TLE1: variants seen among roughly 807,000 people sequenced by gnomAD.
TLE1 encodes the protein TLE family member 1, transcriptional corepressor.
In TLE1, 21 loss-of-function variants were observed where a neutral mutation model predicts 89.8. The ratio of observed to expected loss-of-function variants is 0.23; its 90% confidence interval spans 0.17 to 0.34. TLE1 has a LOEUF of 0.34. Ranked by LOEUF, TLE1 falls within the 10% of genes least tolerant of loss-of-function variation. The pLI is 1.00. For missense variants in TLE1, 795 were observed against 1,031.2 expected (o/e 0.77, Z 3.14); for synonymous variants, 447 against 407.6 (o/e 1.10, Z -1.16).
chr9:81,655,786 G>A (rs1019701626), intron 4 of TLE1, among the ~76,000 whole-genome samples: 1 of 150,560 alleles, frequency 6.6e-6, no homozygotes, highest in African/African-American at 2.5e-5. Flanking sequence ...GAACAAAGTC[G>A]AGCCTGCGGT....
At chr9:81,585,842 G>C (rs147761773) in intron 17 of TLE1, among the ~76,000 whole-genome samples, 187 bp from the exon 18 acceptor site, 57 of 152,174 alleles carry the variant, frequency 3.7e-4, no homozygotes, top group South Asian at 1.7e-3. Flanking sequence ...TTAGGAAACT[G>C]GAAACATTTG....
Position 81,610,295 on chromosome 9 carries a change from A to T in TLE1, c.1256T>A (p.Val419Glu). 6.2e-7 allele frequency: 1 copy of T among 1,613,572 alleles called. No individual in the cohort carries two copies. Among genetic ancestry groups the T allele is most frequent in the Non-Finnish European group, 8.5e-7 (1 of 1,179,786 alleles). ...AVVAYGRSPM[V>E]GFDPPPHMRV... Reference sequence around the variant, plus strand: ...CATGTGAGGGGGAGGATCAAACCCCACCTGGAAACAAAAATAAGGCATTGC... The same window carrying T: ...CATGTGAGGGGGAGGATCAAACCCCTCCTGGAAACAAAAATAAGGCATTGC... Residue 419 changes from valine to glutamate, a missense_variant and splice_region_variant, in exon 14 of 20, where the codon GTG becomes GAG. By Grantham distance (121) the Val-to-Glu change is moderately radical. Transcript: ENST00000376499.
intron 4 of TLE1, among the ~76,000 whole-genome samples, chr9:81,665,239 T>C (rs975917994): frequency 5.3e-5 from 8 of 152,202 alleles, no homozygotes; most frequent in African/African-American, 1.9e-4. Context: ...ATTTAAGTTA[T>C]TCCACCCATG....
chr9:81,642,490 G>T (rs543842109), intron 6 of TLE1, among the ~76,000 whole-genome samples: 1 of 151,240 alleles, frequency 6.6e-6, no homozygotes, highest in Non-Finnish European at 1.5e-5. Flanking sequence ...TCAGGAGTTC[G>T]AGACCAGCCT....
chr9:81,608,809 C>T (rs1823310736), intron 14 of TLE1, among the ~76,000 whole-genome samples: 1 of 151,948 alleles, frequency 6.6e-6, no homozygotes, highest in African/African-American at 2.4e-5. Context: ...TAGTGGCATG[C>T]ACCCATAATC....
chr9:81,600,155 T>C, intron 14 of TLE1: 1 of 715,182 alleles, frequency 1.4e-6, no homozygotes, highest in Admixed American at 2.1e-5. Context: ...AATTCTTGGA[T>C]GGAAAGTAAA....
At chr9:81,644,909 G>A (rs1252613903) in intron 6 of TLE1, among the ~76,000 whole-genome samples, 2 of 146,016 alleles carry the variant, frequency 1.4e-5, no homozygotes, top group East Asian at 2.1e-4. Flanking sequence ...CAGGAGAATC[G>A]TTTGAACCCG....
intron 6 of TLE1, among the ~76,000 whole-genome samples, chr9:81,647,779 C>G (rs1313715988): frequency 6.6e-6 from 1 of 152,122 alleles, no homozygotes; most frequent in Non-Finnish European, 1.5e-5. Context: ...AAGTATCCTC[C>G]CCAAGTCCAT....
chr9:81,593,634 T>C (rs764832905), intron 14 of TLE1, among the ~76,000 whole-genome samples: 4 of 152,150 alleles, frequency 2.6e-5, no homozygotes, highest in Non-Finnish European at 5.9e-5. Context: ...TGTGTAATTG[T>C]ATGATTTCTT....
rs1185374761 is a variant in TLE1, at chr9:81,639,575, G to GTT, written c.373-5276_373-5275dup. Reference sequence around the variant, plus strand: ...GTTTGTAAAGTGATTAGTAAAAGTTGTTTTTTTTTTTTGTTTTTTTTTTTT... The same window carrying GTT: ...GTTTGTAAAGTGATTAGTAAAAGTTGTTTTTTTTTTTTTTGTTTTTTTTTTTT... On this transcript the variant is annotated intron_variant, in intron 6 of 19. Coordinates refer to ENST00000376499, the MANE Select transcript of TLE1 (RefSeq NM_005077.5). Among the ~76,000 whole-genome samples the GTT allele has an allele frequency of 5.7e-3, 669 of 117,652 alleles. 13 individuals are homozygous for GTT. Among genetic ancestry groups the GTT allele is most frequent in the East Asian group, 0.016 (51 of 3,194 alleles). The allele number at this position is 117,652 out of a possible 152,430, so 77.2% of individuals were successfully genotyped here. A position where few individuals can be genotyped will look rare whatever the true frequency, so the allele number is the denominator to read the frequency against.
intron 4 of TLE1, among the ~76,000 whole-genome samples, chr9:81,679,283 A>T (rs969778333): frequency 6.9e-6 from 1 of 145,612 alleles, no homozygotes; most frequent in African/African-American, 2.5e-5. Context: ...TACAAACAAT[A>T]ATTTTAAAAA....
At chr9:81,686,018 G>C (rs544644638) in intron 2 of TLE1, 122 bp from the exon 3 acceptor site, 2 of 951,604 alleles carry the variant, frequency 2.1e-6, no homozygotes, top group African/African-American at 3.3e-5. Flanking sequence ...AACTATCTAG[G>C]TAAACACCCA....
At chr9:81,636,827 AC>A (rs5898753) in intron 6 of TLE1, among the ~76,000 whole-genome samples, 79,160 of 151,504 alleles carry the variant, frequency 0.52, 21,001 homozygotes, top group South Asian at 0.67. Flanking sequence ...AGATGGTGAA[AC>A]CCCGTCTCTA....
chr9:81,675,016 T>A (rs905455896), intron 4 of TLE1, among the ~76,000 whole-genome samples: 1 of 151,978 alleles, frequency 6.6e-6, no homozygotes. Context: ...AAATAAATTT[T>A]AAAAAAAGTA....
intron 6 of TLE1, among the ~76,000 whole-genome samples, chr9:81,636,164 A>G (rs1827331821): frequency 2.0e-5 from 3 of 152,144 alleles, no homozygotes; most frequent in Admixed American, 2.0e-4. Flanking sequence ...CTCATTCACC[A>G]TTTGAGATCA....
At chr9:81,652,812 AC>A (rs1164685891) in intron 5 of TLE1, among the ~76,000 whole-genome samples, 10 of 152,172 alleles carry the variant, frequency 6.6e-5, no homozygotes, top group Admixed American at 1.3e-4. Context: ...CCATTTTAAT[AC>A]CTAAAACTTT....
chr9:81,598,333 G>A (rs1279119176), intron 14 of TLE1, among the ~76,000 whole-genome samples: 4 of 151,970 alleles, frequency 2.6e-5, no homozygotes, highest in African/African-American at 4.8e-5. Flanking sequence ...GAACAGCACC[G>A]CTTCCCTCCC....
chr9:81,685,258 A>T (rs1047476825), intron 4 of TLE1, among the ~76,000 whole-genome samples: 10 of 152,118 alleles, frequency 6.6e-5, no homozygotes, highest in African/African-American at 2.2e-4. Context: ...TACCACGATT[A>T]AAAAAAACTC....
chr9:81,596,408 G>C (rs1490618141), intron 14 of TLE1, among the ~76,000 whole-genome samples: 1 of 152,050 alleles, frequency 6.6e-6, no homozygotes, highest in Non-Finnish European at 1.5e-5. Context: ...CAACACAAAG[G>C]GTGGATGGGC....
Sources: gnomAD v4.1 joint callset for allele counts (sites outside exome capture counted in the v4.1 genomes callset) on GRCh38, gnomAD v4.1.1 for gene constraint, MANE v1.5 for transcripts, NCBI Gene and HGNC (gene_info 2026-07-23, HGNC 2026-07-21) for gene names.